The following APBA1 variants were observed in gnomAD, a reference collection of about 807,000 sequenced individuals.
APBA1 encodes the protein amyloid beta precursor protein binding family A member 1.
A neutral mutation model predicts 86.6 loss-of-function variants in APBA1; 55 were observed. That is an observed-to-expected ratio of 0.64 (90% CI 0.51 to 0.80). The LOEUF is 0.80. Ranked by LOEUF, APBA1 falls within the 30% of genes least tolerant of loss-of-function variation. The probability of loss-of-function intolerance (pLI) is 0.00; values close to 1 mark genes in which losing one functional copy is unlikely to be tolerated. For synonymous variants in APBA1, 511 were observed against 493.9 expected (o/e 1.03, Z -0.46); for missense variants, 1,090 against 1,183.0 (o/e 0.92, Z 1.15).
intron 1 of APBA1, among the ~76,000 whole-genome samples, chr9:69,646,421 G>A (rs1230672495): frequency 6.6e-6 from 1 of 152,158 alleles, no homozygotes; most frequent in African/African-American, 2.4e-5. Flanking sequence ...CTCTGTTGGA[G>A]CATTTTAGGA....
intron 1 of APBA1, among the ~76,000 whole-genome samples, chr9:69,555,865 AGT>A (rs1340491469): frequency 1.3e-5 from 2 of 152,184 alleles, no homozygotes; most frequent in African/African-American, 4.8e-5. Context: ...TTGTGGCCTT[AGT>A]GTTATTCATA....
intron 2 of APBA1, among the ~76,000 whole-genome samples, chr9:69,494,823 C>T (rs1835770570): frequency 6.6e-6 from 1 of 152,134 alleles, no homozygotes; most frequent in Admixed American, 6.5e-5. Flanking sequence ...CTGCTAAGAA[C>T]AGTCATAGTG....
rs1191501294 is a variant in APBA1, at chr9:69,597,695, T to A, written c.-70+74458A>T. On this transcript the variant is annotated intron_variant, in intron 1 of 12. Transcript: ENST00000265381. ...ATCTTGAATTGATTTTTGTATAAGT[T>A]GTAAGGAAGGGATCCAGTTTCAGCT... Among the ~76,000 whole-genome samples the A allele has an allele frequency of 5.3e-5, 8 of 152,354 alleles. 2 individuals carry two copies. The Middle Eastern group carries it at 0.017, about 324-fold the overall frequency.
At chr9:69,481,634 T>G (rs933223888) in intron 2 of APBA1, among the ~76,000 whole-genome samples, 10 of 150,766 alleles carry the variant, frequency 6.6e-5, no homozygotes, top group African/African-American at 2.2e-4. Context: ...AAAGTTCATA[T>G]GGAACCAAAA....
intron 1 of APBA1, among the ~76,000 whole-genome samples, chr9:69,652,347 G>A (rs1588413108): frequency 6.6e-6 from 1 of 152,270 alleles, no homozygotes; most frequent in South Asian, 2.1e-4. Flanking sequence ...GAAATCTAAG[G>A]GCTAGTCAGA....
intron 11 of APBA1, among the ~76,000 whole-genome samples, chr9:69,440,361 T>C (rs1237236437): frequency 1.3e-5 from 2 of 152,096 alleles, no homozygotes; most frequent in Non-Finnish European, 2.9e-5. Context: ...CTTTTGTTTG[T>C]CTGTGCCCTG....
At chr9:69,522,131 A>T (rs547505305) in intron 1 of APBA1, among the ~76,000 whole-genome samples, 2 of 151,684 alleles carry the variant, frequency 1.3e-5, no homozygotes, top group African/African-American at 4.8e-5. Context: ...TATATATATA[A>T]AATTTATCAT....
chr9:69,649,636 C>G (rs1283382510), intron 1 of APBA1, among the ~76,000 whole-genome samples: 1 of 152,196 alleles, frequency 6.6e-6, no homozygotes, highest in Non-Finnish European at 1.5e-5. Flanking sequence ...CCATCCACCC[C>G]CGGGGCCTTG....
intron 2 of APBA1, among the ~76,000 whole-genome samples, chr9:69,489,669 T>C (rs571262537): frequency 9.2e-5 from 14 of 152,072 alleles, no homozygotes; most frequent in African/African-American, 3.1e-4. Context: ...GCGAAGGACA[T>C]GAACAGACAC....
intron 9 of APBA1, 110 bp from the exon 10 acceptor site, chr9:69,449,906 G>C: frequency 1.1e-6 from 1 of 918,708 alleles, no homozygotes; most frequent in African/African-American, 1.7e-5. Context: ...CACTTCCCTG[G>C]GGACACCAAC....
At chr9:69,635,128 TA>T in intron 1 of APBA1, among the ~76,000 whole-genome samples, 1 of 152,226 alleles carries the variant, frequency 6.6e-6, no homozygotes, top group Middle Eastern at 3.4e-3. Context: ...GTAGAAAGAC[TA>T]AAAGATAAAC....
At chr9:69,444,027 G>A (rs1244920348) in intron 10 of APBA1, among the ~76,000 whole-genome samples, 1 of 152,014 alleles carries the variant, frequency 6.6e-6, no homozygotes, top group East Asian at 1.9e-4. Flanking sequence ...TCTGCTTCTA[G>A]TTTGTGCTCC....
intron 1 of APBA1, among the ~76,000 whole-genome samples, chr9:69,653,014 CA>C (rs35226509): frequency 6.9e-6 from 1 of 145,712 alleles, no homozygotes; most frequent in African/African-American, 2.6e-5. Context: ...CAAAAACAAG[CA>C]AAAAAAAAAC....
At chr9:69,570,799 T>C in intron 1 of APBA1, among the ~76,000 whole-genome samples, 1 of 152,178 alleles carries the variant, frequency 6.6e-6, no homozygotes, top group South Asian at 2.1e-4. Flanking sequence ...GAACAGGCTA[T>C]AAATTAAATA....
intron 1 of APBA1, among the ~76,000 whole-genome samples, chr9:69,659,082 C>T (rs891638754): frequency 2.6e-5 from 4 of 152,204 alleles, no homozygotes; most frequent in African/African-American, 7.2e-5. Flanking sequence ...CATATACACA[C>T]AAACCCTCTT....
At chr9:69,454,838 T>G (rs1046430715) in intron 8 of APBA1, among the ~76,000 whole-genome samples, 3 of 149,886 alleles carry the variant, frequency 2.0e-5, no homozygotes, top group African/African-American at 7.6e-5. Flanking sequence ...AAATTTTCAC[T>G]CTTTTGGAAC....
Position 69,585,810 on chromosome 9 carries a change from G to T in APBA1, c.-69-68531C>A, listed in dbSNP as rs1003352757. On this transcript the variant is annotated intron_variant, in intron 1 of 12. Transcript: ENST00000265381. ...TGTACCAAAGCCCATCTGCTCACCT[G>T]CTGAGCATTCCTGTACTCCTAGGAC... Among the ~76,000 whole-genome samples the T allele has an allele frequency of 1.1e-4, 17 of 152,106 alleles. 1 individual carries two copies. The highest frequency in any genetic ancestry group is 2.5e-4 in the Non-Finnish European group (17 of 68,016).
intron 2 of APBA1, among the ~76,000 whole-genome samples, chr9:69,495,542 G>A (rs544122816): frequency 9.9e-5 from 15 of 151,962 alleles, no homozygotes; most frequent in Non-Finnish European, 1.9e-4. Context: ...CACCTCCCAG[G>A]GTGTCCGACC....
In APBA1 at chr9:69,554,116, A is replaced by T. The variant is rs370386895; in HGVS notation, c.-69-36837T>A. Among the ~76,000 whole-genome samples the T allele has an allele frequency of 2.6e-5, 4 of 152,350 alleles. No homozygotes were observed. The East Asian group carries it at 7.7e-4, about 29-fold the overall frequency. On this transcript the variant is annotated intron_variant, in intron 1 of 12. Coordinates refer to ENST00000265381, the MANE Select transcript of APBA1 (RefSeq NM_001163.4). ...TTGGGTGAATTGTAAAGACATTGAA[A>T]AAAGCAACATATTCAAATACCTACT...
Sources: gnomAD v4.1 joint callset for allele counts (sites outside exome capture counted in the v4.1 genomes callset) on GRCh38, gnomAD v4.1.1 for gene constraint, MANE v1.5 for transcripts, NCBI Gene and HGNC (gene_info 2026-07-23, HGNC 2026-07-21) for gene names.